The following BORCS5 variants were observed in gnomAD, a reference collection of about 807,000 sequenced individuals.
BORCS5 encodes BLOC-1-related complex subunit 5.
Under a neutral mutation model 22.1 loss-of-function variants are expected in BORCS5, and 17 were observed. The observed-to-expected ratio is 0.77, with a 90% CI of 0.53 to 1.15. The LOEUF is 1.15. Ranked by LOEUF, BORCS5 falls within the 50% of genes most tolerant of loss-of-function variation. BORCS5 has a pLI of 0.00. For synonymous variants in BORCS5, 117 were observed against 99.8 expected (o/e 1.17, Z -1.03); for missense variants, 247 against 253.2 (o/e 0.98, Z 0.17).
At position 12,370,099 on chromosome 12, in the gene BORCS5, T is replaced by TACACACACAC. The variant is rs56408181; in HGVS notation, c.202+8777_202+8786dup. Among the ~76,000 whole-genome samples the TACACACACAC allele has an allele frequency of 7.5e-3, 1,087 of 145,386 alleles. 14 individuals are homozygous for TACACACACAC. The highest frequency in any genetic ancestry group is 0.022 in the East Asian group (110 of 4,968). On this transcript the variant is annotated intron_variant, in intron 2 of 3. Transcript: ENST00000314565. ...CGTTAGAAATCCCATAGTGGTTTTA[T>TACACACACAC]ACACACACACACACACACACACACA...
chr12:12,430,206 A>G (rs1317266851), intron 2 of BORCS5, among the ~76,000 whole-genome samples: 1 of 132,988 alleles, frequency 7.5e-6, no homozygotes, highest in Non-Finnish European at 1.5e-5. Flanking sequence ...GCTGGAGTGC[A>G]GTGGCAAGAT....
chr12:12,418,366 T>C (rs1333666768), intron 2 of BORCS5, among the ~76,000 whole-genome samples: 1 of 152,014 alleles, frequency 6.6e-6, no homozygotes, highest in Non-Finnish European at 1.5e-5. Flanking sequence ...ATGATGTCCT[T>C]TGTCTCTTGT....
At chr12:12,453,621 G>C (rs1421128806) in intron 3 of BORCS5, among the ~76,000 whole-genome samples, 1 of 152,174 alleles carries the variant, frequency 6.6e-6, no homozygotes, top group African/African-American at 2.4e-5. Context: ...ACTGGTATCT[G>C]TCGGGGGTCT....
chr12:12,419,430 A>C (rs1942057066), intron 2 of BORCS5, among the ~76,000 whole-genome samples: 1 of 152,102 alleles, frequency 6.6e-6, no homozygotes, highest in Non-Finnish European at 1.5e-5. Context: ...ACATTTTCTT[A>C]ATCCAGTCTA....
intron 2 of BORCS5, among the ~76,000 whole-genome samples, chr12:12,403,901 A>G (rs530197349): frequency 2.0e-5 from 3 of 152,286 alleles, no homozygotes; most frequent in African/African-American, 4.8e-5. Flanking sequence ...ATTTTTTCCT[A>G]GTTGCTAGAG....
chr12:12,437,633 TAAAG>T (rs558957118), intron 3 of BORCS5, among the ~76,000 whole-genome samples: 32 of 152,346 alleles, frequency 2.1e-4, no homozygotes, highest in African/African-American at 7.7e-4. Flanking sequence ...AGTCTCACAA[TAAAG>T]AAAGCCAGAC....
intron 3 of BORCS5, among the ~76,000 whole-genome samples, chr12:12,443,616 G>T (rs537300186): frequency 6.6e-6 from 1 of 152,346 alleles, no homozygotes; most frequent in African/African-American, 2.4e-5. Flanking sequence ...GAAGAGGGCC[G>T]AATCTAGTTT....
chr12:12,437,126 A>G (rs1942571687), intron 3 of BORCS5, among the ~76,000 whole-genome samples: 1 of 152,196 alleles, frequency 6.6e-6, no homozygotes, highest in Non-Finnish European at 1.5e-5. Flanking sequence ...TGTAGCTTCC[A>G]TAATTCCCAC....
chr12:12,388,876 G>A (rs1311633753), intron 2 of BORCS5, among the ~76,000 whole-genome samples: 6 of 151,370 alleles, frequency 4.0e-5, no homozygotes, highest in African/African-American at 1.5e-4. Context: ...AACTCCCTAA[G>A]CCATTCTTTT....
intron 2 of BORCS5, among the ~76,000 whole-genome samples, chr12:12,424,080 CTT>C (rs1412963477): frequency 1.3e-5 from 2 of 152,152 alleles, no homozygotes; most frequent in African/African-American, 4.8e-5. Context: ...GTATTCATCT[CTT>C]TCATCAAATT....
chr12:12,406,983 G>A (rs1941609933), intron 2 of BORCS5, among the ~76,000 whole-genome samples: 5 of 152,068 alleles, frequency 3.3e-5, no homozygotes, highest in Admixed American at 3.3e-4. Context: ...GAAGTGTGGG[G>A]GGCACCCAAG....
intron 2 of BORCS5, among the ~76,000 whole-genome samples, chr12:12,426,760 T>C (rs555628722): frequency 1.3e-5 from 2 of 152,338 alleles, no homozygotes; most frequent in Admixed American, 1.3e-4. Flanking sequence ...GGCTCAAAGA[T>C]GTAAGATAAA....
rs1368644002 is a variant in BORCS5, at chr12:12,460,937, G to A, written c.361-4609G>A. On this transcript the variant is annotated intron_variant, in intron 3 of 3. Transcript: ENST00000314565. ...ACCAGCCAAGTAGGCAGATGGGCCC[G>A]CACCATCCATATAAGGTATTTGGAA... Among the ~76,000 whole-genome samples the A allele has an allele frequency of 1.3e-5, 2 of 152,098 alleles. 1 individual carries two copies. Among genetic ancestry groups the A allele is most frequent in the African/African-American group, 4.8e-5 (2 of 41,412 alleles).
At chr12:12,371,281 A>G (rs2417183) in intron 2 of BORCS5, among the ~76,000 whole-genome samples, 29,411 of 151,836 alleles carry the variant, frequency 0.19, 7,286 homozygotes, top group African/African-American at 0.58. Context: ...ATTTACACCT[A>G]TGTTTATTTT....
At chr12:12,461,237 C>A (rs575092327) in intron 3 of BORCS5, among the ~76,000 whole-genome samples, 1 of 150,802 alleles carries the variant, frequency 6.6e-6, no homozygotes, top group Non-Finnish European at 1.5e-5. Context: ...GGTGTGATCA[C>A]AGCTCACTGC....
chr12:12,403,484 C>T (rs1409615987), intron 2 of BORCS5, among the ~76,000 whole-genome samples: 2 of 152,170 alleles, frequency 1.3e-5, no homozygotes, highest in African/African-American at 4.8e-5. Flanking sequence ...CTGTGGGGGG[C>T]ACCTTCCTGC....
chr12:12,422,945 G>A (rs905997444), intron 2 of BORCS5, among the ~76,000 whole-genome samples: 5 of 149,860 alleles, frequency 3.3e-5, no homozygotes, highest in South Asian at 2.1e-4. Flanking sequence ...AAAGAGTTAC[G>A]AACCATGGTT....
chr12:12,423,903 T>G (rs1942209018), intron 2 of BORCS5, among the ~76,000 whole-genome samples: 1 of 152,160 alleles, frequency 6.6e-6, no homozygotes, highest in South Asian at 2.1e-4. Flanking sequence ...TTGCCCAGGC[T>G]GGTGTCAAAC....
intron 2 of BORCS5, among the ~76,000 whole-genome samples, chr12:12,431,983 T>C (rs1209294875): frequency 1.3e-5 from 2 of 152,230 alleles, no homozygotes; most frequent in Non-Finnish European, 2.9e-5. Context: ...CATGAGCCAC[T>C]GTGCCCAGCC....
Sources: allele counts gnomAD v4.1 joint callset (sites outside exome capture counted in the v4.1 genomes callset), GRCh38; gene constraint gnomAD v4.1.1; transcripts MANE v1.5; gene names NCBI Gene and HGNC (gene_info 2026-07-23, HGNC 2026-07-21).